Variants in WDR12 observed in about 807,000 individuals in gnomAD.
The protein encoded by WDR12 is WD repeat domain 12.
A neutral mutation model predicts 64.3 loss-of-function variants in WDR12; 42 were observed. That is an observed-to-expected ratio of 0.65 (90% CI 0.51 to 0.84). WDR12 has a LOEUF of 0.84. WDR12 is among the 40% of genes least tolerant of loss of function. The probability of loss-of-function intolerance (pLI) is 0.00; values close to 1 mark genes in which losing one functional copy is unlikely to be tolerated. For missense variants in WDR12, 469 were observed against 494.6 expected, an observed-to-expected ratio of 0.95 and a Z score of 0.49; for synonymous variants, 158 against 173.3, an observed-to-expected ratio of 0.91 and a Z score of 0.70.
intron 4 of WDR12, among the ~76,000 whole-genome samples, chr2:202,898,725 TA>T: frequency 6.6e-6 from 1 of 152,342 alleles, no homozygotes; most frequent in Non-Finnish European, 1.5e-5. Flanking sequence ...TCTATGGCTA[TA>T]AAAGTTACTT....
rs138167705 is a variant in WDR12, at chr2:202,909,003, C to T, written c.42-1044G>A. Among the ~76,000 whole-genome samples the T allele has an allele frequency of 3.1e-3, 471 of 152,314 alleles. 1 individual carries two copies. Among genetic ancestry groups the T allele is most frequent in the Non-Finnish European group, 5.3e-3 (362 of 68,026 alleles). ...AACACAATGAAATATAATTTCACATCCACTAGGGTGCTATAAGTAAAAAGA... is the reference window on the plus strand; with the variant it reads ...AACACAATGAAATATAATTTCACATTCACTAGGGTGCTATAAGTAAAAAGA... On this transcript the variant is annotated intron_variant, in intron 1 of 12. Coordinates refer to ENST00000261015, the MANE Select transcript of WDR12 (RefSeq NM_018256.4).
At chr2:202,892,085 G>A (rs1289472580) in intron 8 of WDR12, among the ~76,000 whole-genome samples, 3 of 152,172 alleles carry the variant, frequency 2.0e-5, no homozygotes, top group African/African-American at 7.2e-5. Flanking sequence ...CGTTGAATAT[G>A]TTCAATCTTT....
intron 2 of WDR12, among the ~76,000 whole-genome samples, chr2:202,904,280 C>T (rs1369205424): frequency 6.6e-6 from 1 of 151,074 alleles, no homozygotes; most frequent in Non-Finnish European, 1.5e-5. Flanking sequence ...CCAAAGCAAC[C>T]TACAGATTCA....
At chr2:202,881,285 A>G (rs1381882632) in intron 12 of WDR12, among the ~76,000 whole-genome samples, 1 of 152,228 alleles carries the variant, frequency 6.6e-6, no homozygotes, top group Non-Finnish European at 1.5e-5. Flanking sequence ...GTATATTACA[A>G]ATTATTCAAG....
chr2:202,906,419 C>T (rs1383260255), intron 2 of WDR12, among the ~76,000 whole-genome samples: 3 of 152,148 alleles, frequency 2.0e-5, no homozygotes, highest in Non-Finnish European at 4.4e-5. Context: ...TCAAAAACAT[C>T]ACCTCAAATT....
At chr2:202,889,898 G>GA (rs1022009820) in intron 8 of WDR12, among the ~76,000 whole-genome samples, 7 of 53,954 alleles carry the variant, frequency 1.3e-4, no homozygotes, top group Non-Finnish European at 1.7e-4. Context: ...CCTCTCAAAA[G>GA]GGGGGAAAGA....
intron 4 of WDR12, 80 bp from the exon 5 acceptor site, chr2:202,897,495 A>T: frequency 1.4e-6 from 1 of 703,028 alleles, no homozygotes; most frequent in South Asian, 2.2e-5. Flanking sequence ...ATGACAAAGT[A>T]ACTTTGAGGA....
chr2:202,899,051 T>C (rs1688302383), intron 4 of WDR12, among the ~76,000 whole-genome samples: 1 of 136,754 alleles, frequency 7.3e-6, no homozygotes, highest in Non-Finnish European at 1.6e-5. Context: ...TTTTTTTTTT[T>C]TTTTTTTTTG....
intron 8 of WDR12, 55 bp from the exon 9 acceptor site, chr2:202,884,590 A>C: frequency 1.9e-6 from 3 of 1,543,594 alleles, no homozygotes; most frequent in Non-Finnish European, 1.7e-6. Context: ...AATAATTGAA[A>C]CAATAATAGT....
At chr2:202,900,913 T>A in intron 3 of WDR12, 112 bp downstream of exon 3, 1 of 802,202 alleles carries the variant, frequency 1.2e-6, no homozygotes, top group Non-Finnish European at 1.9e-6. Flanking sequence ...GCCAATATAT[T>A]AAAAAGAATC....
chr2:202,907,777 TATC>T (rs1688484549), intron 2 of WDR12, 85 bp downstream of exon 2: 3 of 1,022,152 alleles, frequency 2.9e-6, no homozygotes, highest in African/African-American at 1.6e-5. Context: ...ATTCATACAG[TATC>T]ATAAGGCCAA....
intron 10 of WDR12, 26 bp from the exon 11 acceptor site, chr2:202,883,767 T>A (rs745679314): frequency 6.2e-7 from 1 of 1,600,230 alleles, no homozygotes; most frequent in Non-Finnish European, 8.5e-7. Flanking sequence ...AAGACAAGCG[T>A]TGAATTTTAG....
intron 11 of WDR12, 181 bp downstream of exon 11, chr2:202,883,428 G>A (rs1459451103): frequency 2.6e-5 from 16 of 615,482 alleles, no homozygotes; most frequent in Non-Finnish European, 3.7e-5. Flanking sequence ...GAGCCACTGT[G>A]CCTGGCCAAA....
chr2:202,903,446 T>TGGAAGGAAGGAAGGAAGGAAGGAA (rs150739013), intron 2 of WDR12, among the ~76,000 whole-genome samples: 22 of 97,270 alleles, frequency 2.3e-4, no homozygotes, highest in African/African-American at 6.0e-4. Context: ...AGCAATCAGA[T>TGGAAGGAAGGAAGGAAGGAAGGAA]GGAAGGAAGG....
intron 4 of WDR12, among the ~76,000 whole-genome samples, chr2:202,898,815 A>G: frequency 6.6e-6 from 1 of 152,152 alleles, no homozygotes; most frequent in Non-Finnish European, 1.5e-5. Context: ...GCTCTAAGAT[A>G]CATGACTTAT....
chr2:202,894,517 G>A, intron 7 of WDR12, 64 bp downstream of exon 7: 1 of 1,417,452 alleles, frequency 7.1e-7, no homozygotes, highest in Non-Finnish European at 9.7e-7. Flanking sequence ...CCACCATATA[G>A]CCTCCGAATT....
At position 202,892,612 on chromosome 2, in the gene WDR12, C is replaced by T. The variant is rs765057657; in HGVS notation, c.741+5G>A. On this transcript the variant is annotated splice_donor_5th_base_variant and intron_variant, in intron 8 of 12. Transcript: ENST00000261015. The stretch of plus-strand genomic sequence containing the variant: ...CAAGTACAGTCAGTTCTCACAAATA[C>T]TGACCCTTGTTAGTCCCAACTGTTC... 1.9e-6 allele frequency: 3 copies of T among 1,609,310 alleles called. No individual in the cohort carries two copies. The highest frequency in any genetic ancestry group is 2.6e-6 in the Non-Finnish European group (3 of 1,176,296).
At chr2:202,894,518 C>A in intron 7 of WDR12, 63 bp downstream of exon 7, 1 of 1,424,990 alleles carries the variant, frequency 7.0e-7, no homozygotes, top group South Asian at 1.3e-5. Context: ...CACCATATAG[C>A]CTCCGAATTT....
chr2:202,906,384 C>T (rs1688456790), intron 2 of WDR12, among the ~76,000 whole-genome samples: 1 of 152,104 alleles, frequency 6.6e-6, no homozygotes, highest in Non-Finnish European at 1.5e-5. Flanking sequence ...TCCCCTCCTC[C>T]CCCACCCCAA....
Sources: gnomAD v4.1 joint callset for allele counts (sites outside exome capture counted in the v4.1 genomes callset) on GRCh38, gnomAD v4.1.1 for gene constraint, MANE v1.5 for transcripts, NCBI Gene and HGNC (gene_info 2026-07-23, HGNC 2026-07-21) for gene names.